The following BAZ2B variants were observed in gnomAD, a reference collection of about 807,000 sequenced individuals.
BAZ2B encodes bromodomain adjacent to zinc finger domain protein 2B.
Under a neutral mutation model 246.0 loss-of-function variants are expected in BAZ2B, and 91 were observed. The ratio of observed to expected loss-of-function variants is 0.37; its 90% CI spans 0.31 to 0.44. The LOEUF is 0.44. BAZ2B is among the 20% of genes least tolerant of loss of function. The probability of loss-of-function intolerance (pLI) is 1.00; values close to 1 mark genes in which losing one functional copy is unlikely to be tolerated. For missense variants in BAZ2B, 2,332 were observed against 2,533.7 expected (o/e 0.92, Z 1.71); for synonymous variants, 855 against 860.0 (o/e 0.99, Z 0.10).
chr2:159,467,191 A>C (rs1465330369), intron 3 of BAZ2B, among the ~76,000 whole-genome samples: 1 of 152,174 alleles, frequency 6.6e-6, no homozygotes, highest in Non-Finnish European at 1.5e-5. Flanking sequence ...AAATTTGAGA[A>C]GGCAGGCAGG....
chr2:159,318,865 T>C (rs113220034), downstream of BAZ2B: 4 of 152,320 alleles, frequency 2.6e-5, no homozygotes, highest in East Asian at 1.9e-4. Flanking sequence ...CCAGTGCTCT[T>C]TGAACCACAC....
intron 1 of BAZ2B, among the ~76,000 whole-genome samples, chr2:159,559,600 TA>T (rs914170317): frequency 1.3e-5 from 2 of 152,110 alleles, no homozygotes; most frequent in Non-Finnish European, 2.9e-5. Flanking sequence ...GCTCATAGGA[TA>T]AAAAAACTAG....
the BAZ2B span, among the ~76,000 whole-genome samples, chr2:159,704,467 T>C: frequency 2.7e-3 from 146 of 54,544 alleles, no homozygotes; most frequent in Non-Finnish European, 4.1e-3. Flanking sequence ...TCCCTCCCTC[T>C]CTATCTTTCT....
At chr2:159,408,738 G>A (rs1266405886) in intron 14 of BAZ2B, among the ~76,000 whole-genome samples, 3 of 152,136 alleles carry the variant, frequency 2.0e-5, no homozygotes, top group Non-Finnish European at 4.4e-5. Context: ...GGCCAACATG[G>A]TGAAAACCGA....
Position 159,467,420 on chromosome 2 carries a change from T to TC in BAZ2B, c.145+11154dup, listed in dbSNP as rs369851389. ...GTTCTGCCTCCCTCAGACGGGCCTT[T>TC]CCCCCCCAGGTTTCTGGAGCAGGAA... On this transcript the variant is annotated intron_variant, in intron 3 of 36. Coordinates refer to ENST00000392783, the MANE Select transcript of BAZ2B (RefSeq NM_013450.4). Among the ~76,000 whole-genome samples, 213 of 152,054 alleles carry TC rather than the reference T, an allele frequency of 1.4e-3. 1 individual carries two copies. Among genetic ancestry groups the TC allele is most frequent in the Middle Eastern group, 6.8e-3 (2 of 294 alleles).
chr2:159,398,760 A>G lies in BAZ2B; in HGVS notation c.2964+69T>C, dbSNP rs982317172. Reference sequence around the variant, plus strand: ...TTGAAGAAAGCTATTTTTTCATATAACTGATGCCAGTATAACATATAGTTT... The same window carrying G: ...TTGAAGAAAGCTATTTTTTCATATAGCTGATGCCAGTATAACATATAGTTT... On this transcript the variant is annotated intron_variant, in intron 18 of 36. Coordinates refer to ENST00000392783, the MANE Select transcript of BAZ2B (RefSeq NM_013450.4). 2.3e-4 allele frequency: 316 copies of G among 1,393,352 alleles called. 2 individuals carry two copies. Among genetic ancestry groups the G allele is most frequent in the Middle Eastern group, 1.8e-4 (1 of 5,444 alleles). The allele number at this position is 1,393,352 out of a possible 1,614,324, so 86.3% of individuals were successfully genotyped here. A position where few individuals can be genotyped will look rare whatever the true frequency, so the allele number is the denominator to read the frequency against.
rs369802763 is a variant in BAZ2B, at chr2:159,611,508, AAAAGG to A, written c.-46+4729_-46+4733del. 1.1e-3 allele frequency among the ~76,000 whole-genome samples: 170 copies of A among 152,072 alleles called. 1 individual carries two copies. Among genetic ancestry groups the A allele is most frequent in the African/African-American group, 4.0e-3 (168 of 41,572 alleles). ...TTAGTCAGTAATGTACAACCTATTTAAAAGGAAAGGGTCCCTATAAACTTTGATTT... is the reference window on the plus strand; with the variant it reads ...TTAGTCAGTAATGTACAACCTATTTAAAAGGGTCCCTATAAACTTTGATTT... On this transcript the variant is annotated intron_variant, in intron 1 of 36. Transcript: ENST00000392783.
At chr2:159,615,817 G>A (rs933764053) in intron 1 of BAZ2B, 1 of 152,472 alleles carries the variant, frequency 6.6e-6, no homozygotes, top group African/African-American at 2.4e-5. Flanking sequence ...CGAAGCCAGG[G>A]CGGCCGGCAC....
intron 25 of BAZ2B, among the ~76,000 whole-genome samples, chr2:159,378,558 T>A (rs893378400): frequency 2.0e-5 from 3 of 152,144 alleles, no homozygotes; most frequent in Non-Finnish European, 4.4e-5. Flanking sequence ...ATATATTTGA[T>A]AAGGGGTTAA....
intron 2 of BAZ2B, among the ~76,000 whole-genome samples, chr2:159,513,172 C>G (rs539450820): frequency 1.3e-5 from 2 of 152,168 alleles, no homozygotes; most frequent in African/African-American, 2.4e-5. Flanking sequence ...TAGTACAATT[C>G]ATGAAAACAG....
intron 2 of BAZ2B, among the ~76,000 whole-genome samples, chr2:159,511,047 C>A (rs13387333): frequency 1.5e-4 from 23 of 151,940 alleles, no homozygotes; most frequent in African/African-American, 5.1e-4. Flanking sequence ...TTAGTAATAG[C>A]GCAGATTGTC....
intron 2 of BAZ2B, among the ~76,000 whole-genome samples, chr2:159,546,425 CCT>C (rs988683260): frequency 8.0e-5 from 12 of 150,228 alleles, no homozygotes; most frequent in African/African-American, 2.7e-4. Flanking sequence ...GTCCAATAAA[CCT>C]CTTTCTTTTG....
intron 31 of BAZ2B, among the ~76,000 whole-genome samples, chr2:159,346,752 C>G (rs1575843789): frequency 6.6e-6 from 1 of 152,096 alleles, no homozygotes; most frequent in Non-Finnish European, 1.5e-5. Context: ...AGGTTCTAAA[C>G]CTTTCATGCT....
At chr2:159,620,486 AAAT>A (rs1209832788), upstream of BAZ2B, among the ~76,000 whole-genome samples, 1 of 152,190 alleles carries the variant, frequency 6.6e-6, no homozygotes, top group Non-Finnish European at 1.5e-5. Context: ...ATAAAGATAC[AAAT>A]AATAAAGTTT....
chr2:159,469,693 G>A (rs947770672), intron 3 of BAZ2B, among the ~76,000 whole-genome samples: 6 of 151,804 alleles, frequency 4.0e-5, no homozygotes, highest in Admixed American at 1.3e-4. Flanking sequence ...TGCCTGCCTC[G>A]GCCTCCCAAA....
chr2:159,392,124 T>A (rs1559233570), intron 20 of BAZ2B: 1 of 152,140 alleles, frequency 6.6e-6, no homozygotes, highest in Non-Finnish European at 1.5e-5. Context: ...CACACCTGTG[T>A]GGAGAAGACA....
chr2:159,525,246 A>G (rs2084604373), intron 2 of BAZ2B, among the ~76,000 whole-genome samples: 1 of 152,204 alleles, frequency 6.6e-6, no homozygotes, highest in Admixed American at 6.5e-5. Context: ...ACATAAGCTA[A>G]GGATCAAAAG....
chr2:159,677,340 G>A, the BAZ2B span, among the ~76,000 whole-genome samples: 3 of 151,812 alleles, frequency 2.0e-5, no homozygotes, highest in Admixed American at 2.0e-4. Context: ...ATGATATTTT[G>A]TTTCAAACCT....
intron 19 of BAZ2B, 99 bp downstream of exon 19, chr2:159,397,246 A>G (rs1167291267): frequency 7.9e-7 from 1 of 1,264,638 alleles, no homozygotes. Context: ...ATTATATCAG[A>G]AATTTTAAAG....
Sources: gnomAD v4.1 joint callset for allele counts (sites outside exome capture counted in the v4.1 genomes callset) on GRCh38, gnomAD v4.1.1 for gene constraint, MANE v1.5 for transcripts, NCBI Gene and HGNC (gene_info 2026-07-23, HGNC 2026-07-21) for gene names.